Variants in VCL observed in about 807,000 individuals in gnomAD.
VCL encodes the protein epididymis luminal protein 114.
In VCL, 47 loss-of-function variants were observed where a neutral mutation model predicts 125.7. That is an observed-to-expected ratio of 0.37 (90% CI 0.30 to 0.48). The LOEUF is 0.48. VCL is among the 20% of genes least tolerant of loss of function. The probability of loss-of-function intolerance (pLI) is 0.99; values close to 1 mark genes in which losing one functional copy is unlikely to be tolerated. For missense variants in VCL, 1,069 were observed against 1,455.5 expected (o/e 0.73, Z 4.32); for synonymous variants, 458 against 514.6 (o/e 0.89, Z 1.49).
chr10:74,050,921 A>G (rs922532414), intron 2 of VCL, among the ~76,000 whole-genome samples: 4 of 141,544 alleles, frequency 2.8e-5, no homozygotes, highest in Admixed American at 7.4e-5. Flanking sequence ...AGCATAATTT[A>G]GTACTACTGT....
chr10:74,063,328 G>A (rs988120663), intron 2 of VCL, among the ~76,000 whole-genome samples: 5 of 152,182 alleles, frequency 3.3e-5, no homozygotes, highest in African/African-American at 9.7e-5. Context: ...CAGAAACTTT[G>A]TGGTTTAAAA....
intron 1 of VCL, among the ~76,000 whole-genome samples, chr10:74,042,461 A>C (rs779426123): frequency 6.6e-6 from 1 of 152,230 alleles, no homozygotes; most frequent in African/African-American, 2.4e-5. Context: ...TCCAAAGAGA[A>C]TATGTCAGTT....
At chr10:74,018,824 C>A (rs1440110678) in intron 1 of VCL, among the ~76,000 whole-genome samples, 3 of 152,152 alleles carry the variant, frequency 2.0e-5, no homozygotes, top group African/African-American at 4.8e-5. Context: ...TCATAGGAAA[C>A]CGATGCACTT....
intron 1 of VCL, among the ~76,000 whole-genome samples, chr10:74,041,820 T>G (rs1296367649): frequency 7.9e-5 from 12 of 152,190 alleles, no homozygotes. Flanking sequence ...TGAGAATCAC[T>G]TGAACCTGGG....
intron 4 of VCL, among the ~76,000 whole-genome samples, chr10:74,072,436 G>T (rs1281599593): frequency 6.6e-6 from 1 of 151,726 alleles, no homozygotes; most frequent in Admixed American, 6.6e-5. Context: ...TCCCTTACCT[G>T]TGAATTTCTT....
chr10:74,071,701 A>G lies in VCL; in HGVS notation c.499+618A>G, dbSNP rs374328805. Reference sequence around the variant, plus strand: ...TGAGACCAATGACAAGATATGTTAGATGTTTAACCTGCTTAACTTGATTGT... The same window carrying G: ...TGAGACCAATGACAAGATATGTTAGGTGTTTAACCTGCTTAACTTGATTGT... On this transcript the variant is annotated intron_variant, in intron 4 of 21. Coordinates refer to ENST00000211998, the MANE Select transcript of VCL (RefSeq NM_014000.3). This position sits in a 1 kb window ranked among gnomAD's most constrained non-coding sequence, Gnocchi z 4.1. Among the ~76,000 whole-genome samples, 2 of 152,242 alleles carry G rather than the reference A, an allele frequency of 1.3e-5. No individual in the cohort carries two copies. Among genetic ancestry groups the G allele is most frequent in the East Asian group, 1.9e-4 (1 of 5,206 alleles).
intron 19 of VCL, among the ~76,000 whole-genome samples, chr10:74,112,603 C>CAA (rs1840244723): frequency 6.6e-6 from 1 of 151,988 alleles, no homozygotes; most frequent in Admixed American, 6.6e-5. Context: ...CTGCACTTGG[C>CAA]TATGTGGCAG....
chr10:74,014,272 C>T (rs1019346675), intron 1 of VCL, among the ~76,000 whole-genome samples: 1 of 150,994 alleles, frequency 6.6e-6, no homozygotes, highest in South Asian at 2.1e-4. Context: ...CACTCTGTCA[C>T]CCAGGCTGGA....
chr10:74,051,505 G>A (rs1841299472), intron 2 of VCL, among the ~76,000 whole-genome samples: 1 of 152,214 alleles, frequency 6.6e-6, no homozygotes, highest in Non-Finnish European at 1.5e-5. Context: ...GGTATTTTAA[G>A]TTGTGTTATT....
At chr10:74,111,603 T>G (rs1342969921) in intron 18 of VCL, among the ~76,000 whole-genome samples, 1 of 152,236 alleles carries the variant, frequency 6.6e-6, no homozygotes, top group Non-Finnish European at 1.5e-5. Context: ...AGTTTGACTT[T>G]AGTATCAAGT....
intron 1 of VCL, among the ~76,000 whole-genome samples, chr10:74,041,084 A>G (rs897939653): frequency 2.0e-5 from 3 of 152,226 alleles, no homozygotes; most frequent in Non-Finnish European, 4.4e-5. Flanking sequence ...CCTGGTTTCA[A>G]GTAATTCTCT....
At chr10:74,033,619 T>G (rs190296297) in intron 1 of VCL, among the ~76,000 whole-genome samples, 2 of 152,364 alleles carry the variant, frequency 1.3e-5, no homozygotes, top group African/African-American at 4.8e-5. Context: ...TTCCACCAGC[T>G]ACTTATCTGT....
intron 1 of VCL, among the ~76,000 whole-genome samples, chr10:74,020,334 C>T (rs1256082184): frequency 6.6e-6 from 1 of 152,098 alleles, no homozygotes; most frequent in Admixed American, 6.6e-5. Flanking sequence ...CATGCCTTAA[C>T]CTTTTTGATC....
At chr10:74,004,559 T>C (rs927119031) in intron 1 of VCL, among the ~76,000 whole-genome samples, 6 of 152,314 alleles carry the variant, frequency 3.9e-5, no homozygotes, top group South Asian at 2.1e-4. Flanking sequence ...CTGTTAGTCA[T>C]AGAGGTTCCA....
At position 74,016,232 on chromosome 10, in the gene VCL, C is replaced by T. The variant is rs749028215; in HGVS notation, c.168+17857C>T. 6.6e-5 allele frequency among the ~76,000 whole-genome samples: 10 copies of T among 152,190 alleles called. No homozygotes were observed. In the East Asian group the frequency reaches 1.7e-3, roughly 26 times the overall value. ...GTTCTTTTATTATACTTAAAATTGTCATTTCTTGTTGTTCGTGTTGTTTTC... is the reference window on the plus strand; with the variant it reads ...GTTCTTTTATTATACTTAAAATTGTTATTTCTTGTTGTTCGTGTTGTTTTC... On this transcript the variant is annotated intron_variant, in intron 1 of 21. Transcript: ENST00000211998.
At chr10:74,034,523 C>G (rs1840937715) in intron 1 of VCL, among the ~76,000 whole-genome samples, 1 of 152,192 alleles carries the variant, frequency 6.6e-6, no homozygotes, top group Admixed American at 6.5e-5. Flanking sequence ...GGTTGTAACT[C>G]TACTAGAGCA....
intron 1 of VCL, among the ~76,000 whole-genome samples, chr10:74,010,271 A>T (rs1447538844): frequency 6.6e-6 from 1 of 152,192 alleles, no homozygotes; most frequent in Non-Finnish European, 1.5e-5. Context: ...TTAGGGAAGG[A>T]AGTTGAGAAT....
intron 1 of VCL, among the ~76,000 whole-genome samples, chr10:73,999,091 C>T (rs1205547017): frequency 1.3e-5 from 2 of 152,210 alleles, no homozygotes; most frequent in Non-Finnish European, 2.9e-5. Context: ...TCCGCTCAGC[C>T]CTGCTGCCCT....
In VCL at chr10:74,070,721, A is replaced by G; in HGVS notation, c.291A>G (p.Ser97=). 6.2e-7 allele frequency: 1 copy of G among 1,614,188 alleles called. No homozygotes were observed. The highest frequency in any genetic ancestry group is 8.5e-7 in the Non-Finnish European group (1 of 1,180,040). Residue 97 remains serine (S), a synonymous_variant, in exon 3 of 22, where the codon TCA becomes TCG. Transcript: ENST00000211998. ...KLVQAAQMLQ[S]DPYSVPARDY... is the part of the protein sequence containing the mutation. ...TCCAGGCAGCTCAGATGCTTCAGTC[A>G]GACCCTTACTCAGTGCCTGCTCGAG...
Sources: gnomAD v4.1 joint callset for allele counts (sites outside exome capture counted in the v4.1 genomes callset) on GRCh38, gnomAD v4.1.1 for gene constraint, Gnocchi (gnomAD v3.1) non-coding constraint, MANE v1.5 for transcripts, NCBI Gene and HGNC (gene_info 2026-07-23, HGNC 2026-07-21) for gene names.